The following RGS7 variants were observed in gnomAD, a reference collection of about 807,000 sequenced individuals.
RGS7 encodes regulator of G protein signaling 7, also known as regulator of G-protein signaling 7.
A neutral mutation model predicts 81.1 loss-of-function variants in RGS7; 27 were observed. That is an observed-to-expected ratio of 0.33 (90% CI 0.25 to 0.46). The LOEUF (loss-of-function observed/expected upper bound fraction) is 0.46, where lower values mean the gene tolerates loss of function less well. Among genes scored for constraint, RGS7 ranks in the 20% least tolerant of loss-of-function variants. The pLI is 1.00. For synonymous variants in RGS7, 208 were observed against 207.7 expected (o/e 1.00, Z -0.01); for missense variants, 396 against 607.4 (o/e 0.65, Z 3.66).
chr1:240,955,959 G>A (rs537526642), intron 4 of RGS7, among the ~76,000 whole-genome samples: 4 of 152,252 alleles, frequency 2.6e-5, no homozygotes, highest in South Asian at 4.2e-4. Flanking sequence ...GTCTGAACTT[G>A]TAGCCCACGA....
chr1:241,288,916 A>G (rs939112121), intron 2 of RGS7, among the ~76,000 whole-genome samples: 9 of 152,174 alleles, frequency 5.9e-5, no homozygotes, highest in African/African-American at 1.9e-4. Flanking sequence ...GAACATGATT[A>G]TCACAAGGAT....
At chr1:241,107,668 C>T (rs2065209057) in intron 2 of RGS7, among the ~76,000 whole-genome samples, 1 of 152,164 alleles carries the variant, frequency 6.6e-6, no homozygotes, top group Non-Finnish European at 1.5e-5. Context: ...CTGTGTTACC[C>T]AGGTGGTGAC....
intron 6 of RGS7, among the ~76,000 whole-genome samples, chr1:240,923,372 A>T (rs1483209297): frequency 1.3e-5 from 2 of 152,114 alleles, no homozygotes; most frequent in African/African-American, 4.8e-5. Flanking sequence ...TAACAAACAT[A>T]CTATATTATG....
chr1:240,944,312 A>G lies in RGS7; in HGVS notation c.227-7606T>C, dbSNP rs543633069. On this transcript the variant is annotated intron_variant, in intron 4 of 18. Coordinates refer to ENST00000440928, the MANE Select transcript of RGS7 (RefSeq NM_001364886.1). The stretch of plus-strand genomic sequence containing the variant: ...TATATATATATATATATATATATAT[A>G]TATATATATATATATATATATGTTA... Among the ~76,000 whole-genome samples the G allele has an allele frequency of 1.7e-3, 224 of 131,166 alleles. 9 individuals carry two copies. Among genetic ancestry groups the G allele is most frequent in the African/African-American group, 5.7e-3 (194 of 34,220 alleles). The allele number at this position is 131,166 out of a possible 152,430, so 86.0% of individuals were successfully genotyped here. A position where few individuals can be genotyped will look rare whatever the true frequency, so the allele number is the denominator to read the frequency against.
chr1:241,156,080 GCACA>G (rs149769224), intron 2 of RGS7, among the ~76,000 whole-genome samples: 14,685 of 145,750 alleles, frequency 0.1, 1,460 homozygotes, highest in African/African-American at 0.25. Flanking sequence ...ACACACGCAC[GCACA>G]CACACACACA....
At chr1:241,187,976 A>G (rs1222246285) in intron 2 of RGS7, among the ~76,000 whole-genome samples, 2 of 152,212 alleles carry the variant, frequency 1.3e-5, no homozygotes, top group Non-Finnish European at 2.9e-5. Flanking sequence ...GAGGATGGTA[A>G]ATGGGTACAA....
At chr1:241,035,173 G>C (rs564813971) in intron 3 of RGS7, among the ~76,000 whole-genome samples, 49 of 152,254 alleles carry the variant, frequency 3.2e-4, no homozygotes, top group South Asian at 8.3e-4. Context: ...ATTAAGGGTA[G>C]CAAGATTAAC....
intron 2 of RGS7, among the ~76,000 whole-genome samples, chr1:241,129,214 C>A (rs1441225635): frequency 1.3e-5 from 2 of 150,256 alleles, no homozygotes; most frequent in Non-Finnish European, 3.0e-5. Context: ...AATGACCTTG[C>A]GTGTTTAAGT....
chr1:241,072,157 G>T lies in RGS7; in HGVS notation c.175+26509C>A, dbSNP rs548836690. On this transcript the variant is annotated intron_variant, in intron 3 of 18. Transcript: ENST00000440928. ...CACACCTGATGAGTTAAGCCAGGTGGAGGTAAAAGCTACATTTTTCATTAA... is the reference window on the plus strand; with the variant it reads ...CACACCTGATGAGTTAAGCCAGGTGTAGGTAAAAGCTACATTTTTCATTAA... 6.6e-5 allele frequency among the ~76,000 whole-genome samples: 10 copies of T among 152,202 alleles called. No homozygotes were observed. The South Asian group carries it at 2.1e-3, about 32-fold the overall frequency.
chr1:240,801,656 T>C, intron 16 of RGS7, 148 bp from the exon 17 acceptor site: 1 of 697,506 alleles, frequency 1.4e-6, no homozygotes, highest in South Asian at 1.6e-5. Context: ...CCCATAGAGG[T>C]TGGAGAGCCG....
intron 2 of RGS7, among the ~76,000 whole-genome samples, chr1:241,202,216 C>T (rs1355794538): frequency 1.3e-5 from 2 of 152,164 alleles, no homozygotes; most frequent in Non-Finnish European, 2.9e-5. Context: ...CTTGCAAACA[C>T]AGAAAAGAAC....
At chr1:241,005,265 A>C (rs2058625334) in intron 3 of RGS7, among the ~76,000 whole-genome samples, 1 of 152,250 alleles carries the variant, frequency 6.6e-6, no homozygotes, top group Non-Finnish European at 1.5e-5. Context: ...ACAGAGGGAT[A>C]ATTTATACAT....
intron 5 of RGS7, among the ~76,000 whole-genome samples, chr1:240,934,002 C>T (rs1676157877): frequency 6.6e-6 from 1 of 152,010 alleles, no homozygotes; most frequent in Admixed American, 6.6e-5. Flanking sequence ...CTCGCTCTGT[C>T]ACCCAGGCTG....
intron 6 of RGS7, among the ~76,000 whole-genome samples, chr1:240,903,040 G>T (rs1283677363): frequency 6.6e-6 from 1 of 152,084 alleles, no homozygotes; most frequent in African/African-American, 2.4e-5. Context: ...AAAAATCCAA[G>T]AAAAACATAT....
chr1:241,270,751 ACCC>A (rs71568993), intron 2 of RGS7, among the ~76,000 whole-genome samples: 12 of 100,518 alleles, frequency 1.2e-4, no homozygotes, highest in Non-Finnish European at 2.1e-4. Flanking sequence ...ATAGAAATAA[ACCC>A]CCCCCCCTTT....
chr1:240,868,967 G>A lies in RGS7; in HGVS notation c.451-115C>T. The A allele has an allele frequency of 1.1e-6, 1 of 903,026 alleles. No individual in the cohort carries two copies. Among genetic ancestry groups the A allele is most frequent in the East Asian group, 2.4e-5 (1 of 41,188 alleles). The allele number at this position is 903,026 out of a possible 1,614,324, so 55.9% of individuals were successfully genotyped here. A position where few individuals can be genotyped will look rare whatever the true frequency, so the allele number is the denominator to read the frequency against. On this transcript the variant is annotated intron_variant, in intron 7 of 18. Coordinates refer to ENST00000440928, the MANE Select transcript of RGS7 (RefSeq NM_001364886.1). This position sits in a 1 kb window ranked among gnomAD's most constrained non-coding sequence, Gnocchi z 5.1. ...AAATAGAGAGTTTCTAAAGCCCTAA[G>A]TGTACTGTGGTTCTCAATGATAAGT... is the stretch of plus-strand genomic sequence containing the variant.
intron 18 of RGS7, among the ~76,000 whole-genome samples, chr1:240,799,352 GTT>G (rs10714860): frequency 1.4e-4 from 20 of 142,526 alleles, no homozygotes; most frequent in African/African-American, 4.4e-4. Flanking sequence ...AATTCCAGTT[GTT>G]TTTTTTTTTT....
At chr1:241,304,902 T>C (rs2079993916) in intron 2 of RGS7, among the ~76,000 whole-genome samples, 1 of 152,264 alleles carries the variant, frequency 6.6e-6, no homozygotes, top group Admixed American at 6.5e-5. Flanking sequence ...AGGTTGTTCA[T>C]GATTAAATCA....
intron 3 of RGS7, among the ~76,000 whole-genome samples, chr1:241,072,321 T>C (rs2062518422): frequency 6.6e-6 from 1 of 152,212 alleles, no homozygotes; most frequent in South Asian, 2.1e-4. Context: ...GAACCGTGTC[T>C]GGGCAGAATG....
Sources: gnomAD v4.1 joint callset for allele counts (sites outside exome capture counted in the v4.1 genomes callset) on GRCh38, gnomAD v4.1.1 for gene constraint, Gnocchi (gnomAD v3.1) non-coding constraint, MANE v1.5 for transcripts, NCBI Gene and HGNC (gene_info 2026-07-23, HGNC 2026-07-21) for gene names.